Variants in UST observed in about 807,000 individuals in gnomAD.
The protein encoded by UST is uronyl 2-sulfotransferase.
A neutral mutation model predicts 45.6 loss-of-function variants in UST; 21 were observed. The observed-to-expected ratio is 0.46, with a 90% CI of 0.33 to 0.66. The LOEUF (loss-of-function observed/expected upper bound fraction) is 0.66, where lower values mean the gene tolerates loss of function less well. UST is among the 30% of genes least tolerant of loss of function. The pLI is 0.02. For missense variants in UST, 463 were observed against 512.4 expected (o/e 0.90, Z 0.93); for synonymous variants, 215 against 200.6 (o/e 1.07, Z -0.61).
intron 3 of UST, among the ~76,000 whole-genome samples, chr6:148,948,494 C>T (rs545093188): frequency 2.0e-5 from 3 of 152,296 alleles, no homozygotes; most frequent in Admixed American, 6.5e-5. Context: ...TTAGGAATTA[C>T]TTACTGATAT....
chr6:149,005,004 A>AC (rs1781620419), intron 5 of UST, among the ~76,000 whole-genome samples: 1 of 148,406 alleles, frequency 6.7e-6, no homozygotes, highest in Non-Finnish European at 1.5e-5. Flanking sequence ...CCTCCAGCTG[A>AC]TTTTTTTTTT....
chr6:149,034,095 A>G (rs967518269), intron 7 of UST, among the ~76,000 whole-genome samples: 1 of 152,170 alleles, frequency 6.6e-6, no homozygotes, highest in African/African-American at 2.4e-5. Context: ...TAAGATGGTC[A>G]TACCCACATT....
At chr6:148,897,530 C>T (rs1371204285) in intron 2 of UST, among the ~76,000 whole-genome samples, 1 of 150,362 alleles carries the variant, frequency 6.7e-6, no homozygotes, top group Non-Finnish European at 1.5e-5. Flanking sequence ...CTTGCCCTGT[C>T]ACACAGGCTG....
chr6:148,814,179 G>T (rs1777314778), intron 1 of UST, among the ~76,000 whole-genome samples: 4 of 152,180 alleles, frequency 2.6e-5, no homozygotes, highest in Admixed American at 1.3e-4. Context: ...AGTTTGCATT[G>T]ATGATGAAGT....
intron 1 of UST, among the ~76,000 whole-genome samples, chr6:148,874,439 A>G (rs959405978): frequency 6.6e-6 from 1 of 152,202 alleles, no homozygotes; most frequent in African/African-American, 2.4e-5. Flanking sequence ...TTAATTAGAA[A>G]TGGAATGACT....
intron 5 of UST, among the ~76,000 whole-genome samples, chr6:148,991,463 A>G (rs1369687472): frequency 1.3e-5 from 2 of 149,270 alleles, no homozygotes; most frequent in African/African-American, 2.5e-5. Flanking sequence ...TGCACCCGTT[A>G]ACTCATCATT....
At chr6:149,029,866 T>C (rs1031001860) in intron 7 of UST, among the ~76,000 whole-genome samples, 1 of 140,706 alleles carries the variant, frequency 7.1e-6, no homozygotes, top group East Asian at 2.1e-4. Context: ...GCACTGGATC[T>C]TGTGTGTGTG....
intron 1 of UST, among the ~76,000 whole-genome samples, chr6:148,812,044 T>A (rs1434836533): frequency 2.0e-5 from 3 of 152,236 alleles, no homozygotes; most frequent in African/African-American, 7.2e-5. Context: ...GCATTTGCAA[T>A]TTGTATTTGC....
chr6:148,991,199 G>A (rs1781345596), intron 5 of UST, among the ~76,000 whole-genome samples: 2 of 152,086 alleles, frequency 1.3e-5, no homozygotes, highest in African/African-American at 2.4e-5. Flanking sequence ...AAAAGTTCAT[G>A]GGTAAATTAC....
chr6:148,809,753 G>A lies in UST; in HGVS notation c.247+62076G>A, dbSNP rs576586964. ...TACATACCCATCAGTGAGTCTCAGGGTTGGAAGACACCATAAATGCCACTT... is the reference window on the plus strand; with the variant it reads ...TACATACCCATCAGTGAGTCTCAGGATTGGAAGACACCATAAATGCCACTT... On this transcript the variant is annotated intron_variant, in intron 1 of 7. Transcript: ENST00000367463. Among the ~76,000 whole-genome samples the A allele has an allele frequency of 2.6e-5, 4 of 152,290 alleles. No homozygotes were observed. The East Asian group carries it at 5.8e-4, about 22-fold the overall frequency.
chr6:148,889,566 T>C (rs1361694793), intron 2 of UST, among the ~76,000 whole-genome samples: 1 of 152,166 alleles, frequency 6.6e-6, no homozygotes, highest in Non-Finnish European at 1.5e-5. Context: ...CATGATATTA[T>C]TGAGTTGGAT....
At chr6:149,057,744 G>T (rs1212616506) in intron 7 of UST, among the ~76,000 whole-genome samples, 1 of 152,192 alleles carries the variant, frequency 6.6e-6, no homozygotes, top group East Asian at 1.9e-4. Flanking sequence ...AATGGTCATG[G>T]TTAGTTAAAT....
chr6:148,848,877 A>C (rs533797876), intron 1 of UST, among the ~76,000 whole-genome samples: 2 of 152,084 alleles, frequency 1.3e-5, no homozygotes, highest in Non-Finnish European at 2.9e-5. Flanking sequence ...GGCTCAGTCC[A>C]AGTCAGAAGG....
At chr6:148,928,551 T>A (rs1489850357) in intron 2 of UST, among the ~76,000 whole-genome samples, 1 of 152,226 alleles carries the variant, frequency 6.6e-6, no homozygotes, top group Non-Finnish European at 1.5e-5. Flanking sequence ...TCCATCCTGG[T>A]GGAGATTTCT....
intron 5 of UST, among the ~76,000 whole-genome samples, chr6:148,994,943 A>G (rs548842845): frequency 3.9e-5 from 6 of 152,254 alleles, no homozygotes; most frequent in African/African-American, 1.2e-4. Flanking sequence ...GCAGAATGCT[A>G]TCTTGTAGTC....
chr6:149,055,011 A>G (rs1243857353), intron 7 of UST, among the ~76,000 whole-genome samples: 1 of 152,218 alleles, frequency 6.6e-6, no homozygotes, highest in Non-Finnish European at 1.5e-5. Flanking sequence ...AACTCAAGAA[A>G]TGTCTTAGTG....
intron 1 of UST, among the ~76,000 whole-genome samples, chr6:148,786,443 G>A (rs182242612): frequency 6.6e-6 from 1 of 152,164 alleles, no homozygotes. Flanking sequence ...ATATATCGAT[G>A]TGTTCTCATC....
chr6:148,831,750 G>A (rs1777691373), intron 1 of UST, among the ~76,000 whole-genome samples: 1 of 152,054 alleles, frequency 6.6e-6, no homozygotes, highest in East Asian at 1.9e-4. Context: ...AGCTATGATT[G>A]TGCCACTGCA....
Position 149,074,164 on chromosome 6 carries a change from C to A in UST, c.*48C>A. On this transcript the variant is annotated 3_prime_UTR_variant, in exon 8 of 8. Coordinates refer to ENST00000367463, the MANE Select transcript of UST (RefSeq NM_005715.3). ...CTTTATCTCCCTTTTCCAGAAAGTTCTTTGTTTGGGGAAGTAAAATCCTTA... is the reference window on the plus strand; with the variant it reads ...CTTTATCTCCCTTTTCCAGAAAGTTATTTGTTTGGGGAAGTAAAATCCTTA... The A allele has an allele frequency of 1.9e-6, 3 of 1,586,422 alleles. No individual in the cohort carries two copies. Among genetic ancestry groups the A allele is most frequent in the Non-Finnish European group, 2.6e-6 (3 of 1,163,638 alleles).
Sources: allele counts gnomAD v4.1 joint callset (sites outside exome capture counted in the v4.1 genomes callset), GRCh38; gene constraint gnomAD v4.1.1; transcripts MANE v1.5; gene names NCBI Gene and HGNC (gene_info 2026-07-23, HGNC 2026-07-21).